SEC24C: variants seen among roughly 807,000 people sequenced by gnomAD.
The protein encoded by SEC24C is protein transport protein Sec24C.
SEC24C carries 22 observed loss-of-function variants against 117.0 expected under a neutral mutation model. The ratio of observed to expected loss-of-function variants is 0.19; its 90% CI spans 0.13 to 0.27. The LOEUF is 0.27. Among genes scored for constraint, SEC24C ranks in the 10% least tolerant of loss-of-function variants. The pLI is 1.00. For missense variants in SEC24C, 1,155 were observed against 1,375.1 expected, an observed-to-expected ratio of 0.84 and a Z score of 2.53; for synonymous variants, 506 against 529.4, an observed-to-expected ratio of 0.96 and a Z score of 0.61.
In SEC24C at chr10:73,768,000, C is replaced by A; in HGVS notation, c.2174C>A (p.Ser725Tyr). The change falls in exon 15 of 23, where the codon TCC becomes TAC. Residue 725 changes from serine (S) to tyrosine (Y), a missense_variant. Physicochemically the swap from Ser to Tyr is moderately radical, Grantham distance 144. This residue lies in a region of SEC24C where 759 missense variants were observed against 992.3 expected (regional missense o/e 0.76). Transcript: ENST00000345254. ...GGTGGCTCTGTCTACAAATATGCTT[C>A]CTTTCAGGTATGGTGTGGGATTTGG... is the stretch of plus-strand genomic sequence containing the variant. ...LTGGSVYKYA[S>Y]FQVENDQERF... 1 of 1,610,972 alleles carries A rather than the reference C, an allele frequency of 6.2e-7. No homozygotes were observed. Among genetic ancestry groups the A allele is most frequent in the Non-Finnish European group, 8.5e-7 (1 of 1,178,890 alleles).
At chr10:73,744,622 C>A (rs943670515) in intron 1 of SEC24C, among the ~76,000 whole-genome samples, 185 bp downstream of exon 1, 1 of 152,284 alleles carries the variant, frequency 6.6e-6, no homozygotes, top group Middle Eastern at 3.4e-3. Flanking sequence ...CGTCTCCCGG[C>A]CCAGATTCCG....
At position 73,768,988 on chromosome 10, in the gene SEC24C, C is replaced by T. The variant is rs369499988; in HGVS notation, c.2279-19C>T. 7.4e-6 allele frequency: 12 copies of T among 1,614,020 alleles called. No homozygotes were observed. Among genetic ancestry groups the T allele is most frequent in the Non-Finnish European group, 1.0e-5 (12 of 1,180,036 alleles). ...CACTTGTCATACTTTTTGCCCTGAC[C>T]CTGTCCATGTGGCCTCAGGTATCCG... On this transcript the variant is annotated intron_variant, in intron 16 of 22. Coordinates refer to ENST00000345254, the MANE Select transcript of SEC24C (RefSeq NM_198597.3).
chr10:73,766,189 C>A lies in SEC24C; in HGVS notation c.1586C>A (p.Ser529Ter). 6.2e-7 allele frequency: 1 copy of A among 1,612,738 alleles called. No individual in the cohort carries two copies. Among genetic ancestry groups the A allele is most frequent in the South Asian group, 1.1e-5 (1 of 90,818 alleles). Residue 529 changes from serine to a stop codon, truncating the protein, a stop_gained, in exon 11 of 23, where the codon TCA becomes TAA. Transcript: ENST00000345254. LOFTEE classifies it high-confidence loss of function. Reference protein sequence around the residue: ...LVRLLCEELKSLLDFLPREGG... With the variant: ...LVRLLCEELK ...AGGCTCCTCTGTGAGGAGCTCAAGT[C>A]ACTGTTAGACTTTCTACCTAGGTGA...
At chr10:73,746,162 A>AC (rs2082547663) in intron 1 of SEC24C, among the ~76,000 whole-genome samples, 2 of 150,560 alleles carry the variant, frequency 1.3e-5, no homozygotes, top group Non-Finnish European at 3.0e-5. Context: ...CCGTCTCAAA[A>AC]AAAAAAAAAA....
intron 20 of SEC24C, 118 bp downstream of exon 20, chr10:73,770,133 T>C: frequency 8.0e-7 from 1 of 1,249,300 alleles, no homozygotes. Context: ...GTATTTTAGC[T>C]GATGTAATTT....
intron 9 of SEC24C, 21 bp downstream of exon 9, chr10:73,765,610 A>G: frequency 6.2e-7 from 1 of 1,609,414 alleles, no homozygotes; most frequent in Non-Finnish European, 8.5e-7. Context: ...GGAAGCTGGG[A>G]TTTGGGGGAA....
At chr10:73,746,715 A>AG (rs1344063565) in intron 1 of SEC24C, 90 bp from the exon 2 acceptor site, 1 of 804,304 alleles carries the variant, frequency 1.2e-6, no homozygotes, top group East Asian at 2.8e-5. Context: ...CTGTCTGATA[A>AG]GGTCAATTTC....
At chr10:73,762,490 A>G (rs574878430) in intron 6 of SEC24C, among the ~76,000 whole-genome samples, 3 of 152,276 alleles carry the variant, frequency 2.0e-5, no homozygotes, top group South Asian at 4.1e-4. Flanking sequence ...GTATGATGGA[A>G]GAGGACAAAG....
chr10:73,764,448 C>T (rs914231659), intron 8 of SEC24C, among the ~76,000 whole-genome samples: 6 of 150,482 alleles, frequency 4.0e-5, no homozygotes, highest in Non-Finnish European at 8.9e-5. Flanking sequence ...GGCGTGAACC[C>T]GGGAGGCAGA....
Position 73,769,601 on chromosome 10 carries a change from G to C in SEC24C, c.2564-14G>C. 5.6e-6 allele frequency: 9 copies of C among 1,613,802 alleles called. No homozygotes were observed. Among genetic ancestry groups the C allele is most frequent in the Non-Finnish European group, 7.6e-6 (9 of 1,179,790 alleles). ...GGGCAGCTGACCAGTGACTATCTTT[G>C]CTTTCCCATCCAGCATATCGGGGAG... On this transcript the variant is annotated splice_polypyrimidine_tract_variant and intron_variant, in intron 18 of 22. Coordinates refer to ENST00000345254, the MANE Select transcript of SEC24C (RefSeq NM_198597.3). This position sits in a 1 kb window ranked among gnomAD's most constrained non-coding sequence, Gnocchi z 4.5.
rs2082990825 is a variant in SEC24C at position 73,771,935 on chromosome 10, T to C, written c.*840T>C. 5.6e-6 allele frequency: 1 copy of C among 178,734 alleles called. No individual in the cohort carries two copies. The highest frequency in any genetic ancestry group is 1.2e-5 in the Non-Finnish European group (1 of 86,134). The allele number at this position is 178,734 out of a possible 1,614,324, so 11.1% of individuals were successfully genotyped here. ...GAGGCAGAGGCAGCTGGAGCGCCGT[T>C]CTCTCCTGCTGGGACACCGCTTGGG... is the stretch of plus-strand genomic sequence containing the variant. On this transcript the variant is annotated 3_prime_UTR_variant, in exon 23 of 23. Transcript: ENST00000345254.
intron 6 of SEC24C, chr10:73,762,152 G>A: frequency 7.8e-7 from 1 of 1,289,802 alleles, no homozygotes; most frequent in Non-Finnish European, 1.0e-6. Context: ...AGACCCCGAT[G>A]CCATTCCTAG....
intron 2 of SEC24C, among the ~76,000 whole-genome samples, chr10:73,748,992 C>T (rs2082604319): frequency 6.6e-6 from 1 of 152,228 alleles, no homozygotes; most frequent in Non-Finnish European, 1.5e-5. Flanking sequence ...ATCCACTTGC[C>T]TCGGCCTCTC....
chr10:73,762,089 C>G, intron 6 of SEC24C: 1 of 1,288,784 alleles, frequency 7.8e-7, no homozygotes, highest in Non-Finnish European at 1.0e-6. Context: ...ATTATTAAAA[C>G]ACTAAAAGCA....
In SEC24C at chr10:73,769,189, T is replaced by A. The variant is rs200058510; in HGVS notation, c.2424+37T>A. 65 of 1,610,618 alleles carry A rather than the reference T, an allele frequency of 4.0e-5. No homozygotes were observed. In the African/African-American group the frequency reaches 7.7e-4, roughly 19 times the overall value. On this transcript the variant is annotated intron_variant, in intron 17 of 22. Coordinates refer to ENST00000345254, the MANE Select transcript of SEC24C (RefSeq NM_198597.3). The surrounding 1 kb of genome is among the most constrained non-coding windows in gnomAD (Gnocchi z 4.5). ...GAGGCGGGGCTGGGCAGGAAGTGTT[T>A]CATTCGCTTGGTATAGAAGAGGGTG...
rs1436893374 is a variant in SEC24C at position 73,765,830 on chromosome 10, A to G, written c.1397A>G (p.His466Arg). The G allele has an allele frequency of 6.2e-7, 1 of 1,614,150 alleles. No homozygotes were observed. Among genetic ancestry groups the G allele is most frequent in the African/African-American group, 1.3e-5 (1 of 75,048 alleles). ...VPPQYFQHLD[H>R]TGKRVDAYDR... is the part of the protein sequence containing the mutation. ...CCCCAGTATTTTCAGCACCTGGATC[A>G]TACCGGCAAACGTGTGGATGCTTAT... The change falls in exon 10 of 23, where the codon CAT (histidine) becomes CGT (arginine). Residue 466 changes from histidine (H) to arginine (R), a missense_variant. Physicochemically the swap from His to Arg is conservative, Grantham distance 29. Transcript: ENST00000345254.
At chr10:73,744,641 T>C (rs1238110471) in intron 1 of SEC24C, among the ~76,000 whole-genome samples, 2 of 152,124 alleles carry the variant, frequency 1.3e-5, no homozygotes, top group Non-Finnish European at 2.9e-5. Flanking sequence ...CGGCTCCTGC[T>C]TCCTGCCCCG....
In SEC24C at chr10:73,760,318, C is replaced by T; in HGVS notation, c.782C>T (p.Thr261Ile). ...GCTCTGCCCCCTGGCACCCAGATGA[C>T]TGGGCCCCTGGGACCACTGCCACCT... Reference protein sequence around the residue: ...PQALPPGTQMTGPLGPLPPMH... With the variant: ...PQALPPGTQMIGPLGPLPPMH... The change falls in exon 5 of 23, where the codon ACT (threonine) becomes ATT (isoleucine). Residue 261 changes from threonine to isoleucine, a missense_variant. By Grantham distance (89) the Thr-to-Ile change is moderately conservative. Coordinates refer to ENST00000345254, the MANE Select transcript of SEC24C (RefSeq NM_198597.3). 2 of 1,612,480 alleles carry T rather than the reference C, an allele frequency of 1.2e-6. No individual in the cohort carries two copies. Among genetic ancestry groups the T allele is most frequent in the Non-Finnish European group, 1.7e-6 (2 of 1,179,990 alleles).
At chr10:73,751,031 C>A in intron 2 of SEC24C, 77 bp from the exon 3 acceptor site, 1 of 1,518,978 alleles carries the variant, frequency 6.6e-7, no homozygotes, top group Non-Finnish European at 9.0e-7. Flanking sequence ...GTTTATTGAT[C>A]CTTGCTTTGC....
Sources: allele counts gnomAD v4.1 joint callset (sites outside exome capture counted in the v4.1 genomes callset), GRCh38; gene constraint gnomAD v4.1.1; regional missense constraint gnomAD v4.1.1; non-coding constraint Gnocchi (gnomAD v3.1); transcripts MANE v1.5; gene names NCBI Gene and HGNC (gene_info 2026-07-23, HGNC 2026-07-21).